Variants in VPS13A observed in about 807,000 individuals in gnomAD.
VPS13A encodes vacuolar protein sorting 13 homolog A, also known as intermembrane lipid transfer protein VPS13A.
A neutral mutation model predicts 390.9 loss-of-function variants in VPS13A; 264 were observed. The observed-to-expected ratio is 0.68, with a 90% CI of 0.61 to 0.75. The LOEUF is 0.75. Ranked by LOEUF, VPS13A falls within the 30% of genes least tolerant of loss-of-function variation. The probability of loss-of-function intolerance (pLI) is 0.00; values close to 1 mark genes in which losing one functional copy is unlikely to be tolerated. For synonymous variants in VPS13A, 1,231 were observed against 1,227.1 expected, an observed-to-expected ratio of 1.00 and a Z score of -0.07; for missense variants, 3,409 against 3,733.9, an observed-to-expected ratio of 0.91 and a Z score of 2.27.
At chr9:77,195,710 C>G (rs1009620936) in intron 1 of VPS13A, among the ~76,000 whole-genome samples, 12 of 151,972 alleles carry the variant, frequency 7.9e-5, no homozygotes, top group African/African-American at 2.4e-4. Context: ...GCGCTCCAGC[C>G]TGGGCGACAC....
chr9:77,359,063 G>A (rs1408936447), intron 57 of VPS13A, among the ~76,000 whole-genome samples: 3 of 152,126 alleles, frequency 2.0e-5, no homozygotes, highest in Non-Finnish European at 4.4e-5. Context: ...CCCAGAATCT[G>A]TTTTCACAAA....
intron 31 of VPS13A, among the ~76,000 whole-genome samples, chr9:77,285,567 A>T (rs1289235429): frequency 6.6e-6 from 1 of 152,218 alleles, no homozygotes; most frequent in Non-Finnish European, 1.5e-5. Context: ...ATTCTTGGTG[A>T]TGGGTACACA....
At chr9:77,289,317 CTA>C (rs1293536789) in intron 31 of VPS13A, among the ~76,000 whole-genome samples, 3 of 152,016 alleles carry the variant, frequency 2.0e-5, no homozygotes, top group African/African-American at 7.2e-5. Context: ...TGTGTTTAGA[CTA>C]TTTTATAAAA....
At chr9:77,314,782 T>A in intron 37 of VPS13A, 118 bp downstream of exon 37, 1 of 940,426 alleles carries the variant, frequency 1.1e-6, no homozygotes, top group South Asian at 1.4e-5. Flanking sequence ...CTTTAAAGCT[T>A]CAATTCAGTC....
At chr9:77,411,660 C>CAAAAAAAAAAAAAAAAAAAAAAAAAAA (rs1169254413) in intron 71 of VPS13A, among the ~76,000 whole-genome samples, 2 of 33,920 alleles carry the variant, frequency 5.9e-5, no homozygotes, top group Non-Finnish European at 1.0e-4. Flanking sequence ...AACTCCATCT[C>CAAAAAAAAAAAAAAAAAAAAAAAAAAA]AAAAAAAAAA....
chr9:77,308,042 A>ATTGT lies in VPS13A; in HGVS notation c.4058_4059insTTGT (p.Lys1353AsnfsTer9). ...GGTAGTGCCTCACCTGCTGTAACAA[A>ATTGT]AGACCAATACAGTGCCACTAGTGGA... is the stretch of plus-strand genomic sequence containing the variant. On this transcript the variant is annotated frameshift_variant, in exon 35 of 72. Transcript: ENST00000360280. LOFTEE classifies it high-confidence loss of function. 1 of 1,613,972 alleles carries ATTGT rather than the reference A, an allele frequency of 6.2e-7. No individual in the cohort carries two copies. Among genetic ancestry groups the ATTGT allele is most frequent in the Non-Finnish European group, 8.5e-7 (1 of 1,179,924 alleles).
intron 68 of VPS13A, among the ~76,000 whole-genome samples, chr9:77,394,521 C>G (rs1303763050): frequency 6.6e-6 from 1 of 152,144 alleles, no homozygotes; most frequent in Non-Finnish European, 1.5e-5. Flanking sequence ...TTGAGCAAAA[C>G]AGCAAGACCA....
At chr9:77,350,978 T>G (rs1285981825) in intron 52 of VPS13A, 1 of 273,476 alleles carries the variant, frequency 3.7e-6, no homozygotes, top group Non-Finnish European at 7.1e-6. Context: ...TAGGAAAGAG[T>G]TACCAATTAA....
At chr9:77,312,519 C>T (rs955102509) in intron 35 of VPS13A, among the ~76,000 whole-genome samples, 3 of 151,904 alleles carry the variant, frequency 2.0e-5, no homozygotes, top group South Asian at 4.2e-4. Flanking sequence ...CTCCGCCTCC[C>T]GGGTTCACAC....
rs1458857185 is a variant in VPS13A, at chr9:77,316,233, G to A, written c.4690G>A (p.Val1564Met). 1 of 1,612,938 alleles carries A rather than the reference G, an allele frequency of 6.2e-7. No individual in the cohort carries two copies. The highest frequency in any genetic ancestry group is 1.3e-5 in the African/African-American group (1 of 74,828). The change falls in exon 39 of 72, where the codon GTG becomes ATG. Residue 1564 changes from valine to methionine, a missense_variant. Transcript: ENST00000360280. ...TGTTATTATTAAAAATCCTGAAATTGTGTTTGTAGCTGACATGACAAAAAA... is the reference window on the plus strand; with the variant it reads ...TGTTATTATTAAAAATCCTGAAATTATGTTTGTAGCTGACATGACAAAAAA... ...INVIIKNPEI[V>M]FVADMTKNDA...
intron 32 of VPS13A, 129 bp downstream of exon 32, chr9:77,293,637 A>AT (rs1180435671): frequency 4.3e-6 from 2 of 461,702 alleles, no homozygotes; most frequent in Non-Finnish European, 7.1e-6. Context: ...TCTGGGTACC[A>AT]TTTATTATAC....
chr9:77,192,772 T>G (rs960232249), intron 1 of VPS13A, among the ~76,000 whole-genome samples: 3 of 152,160 alleles, frequency 2.0e-5, no homozygotes, highest in Non-Finnish European at 4.4e-5. Flanking sequence ...CCCTTTATTA[T>G]TTTTTTCTTT....
intron 1 of VPS13A, among the ~76,000 whole-genome samples, chr9:77,182,438 C>T (rs887437446): frequency 9.2e-5 from 14 of 151,776 alleles, no homozygotes; most frequent in African/African-American, 3.2e-4. Context: ...CAGAATCAGC[C>T]ATAGGTGCTT....
Position 77,221,713 on chromosome 9 carries a change from A to G in VPS13A, c.1161+357A>G, listed in dbSNP as rs1027658802. The stretch of plus-strand genomic sequence containing the variant: ...TATGTGTCACCACTACATTTTCCCT[A>G]TGTTACAATCTGACCATGCACTAAT... On this transcript the variant is annotated intron_variant, in intron 13 of 71. Coordinates refer to ENST00000360280, the MANE Select transcript of VPS13A (RefSeq NM_033305.3). Among the ~76,000 whole-genome samples, 17 of 152,060 alleles carry G rather than the reference A, an allele frequency of 1.1e-4. 1 individual carries two copies. Among genetic ancestry groups the G allele is most frequent in the Admixed American group, 4.6e-4 (7 of 15,260 alleles).
In VPS13A at chr9:77,321,584, G is replaced by A; in HGVS notation, c.5668G>A (p.Val1890Ile). ...AAATTCCCTTGGACTTACTATTTCT[G>A]TTTCGCCAAGTGATTCTTTTAGTGT... is the stretch of plus-strand genomic sequence containing the variant. The part of the protein sequence containing the change: ...ILNSLGLTIS[V>I]SPSDSFSVLN... Residue 1890 changes from valine to isoleucine, a missense_variant, in exon 44 of 72, where the codon GTT becomes ATT. Val to Ile is a conservative substitution (Grantham distance 29). Around this residue, in one of 5 missense-constraint regions of VPS13A, gnomAD observed 2,717 missense variants for 2,917.4 expected, o/e 0.93. Coordinates refer to ENST00000360280, the MANE Select transcript of VPS13A (RefSeq NM_033305.3). 1 of 1,613,360 alleles carries A rather than the reference G, an allele frequency of 6.2e-7. No individual in the cohort carries two copies. The highest frequency in any genetic ancestry group is 8.5e-7 in the Non-Finnish European group (1 of 1,179,598).
At position 77,226,457 on chromosome 9, in the gene VPS13A, TC is replaced by T; in HGVS notation, c.1225-8del. The T allele has an allele frequency of 6.3e-7, 1 of 1,599,270 alleles. No homozygotes were observed. The highest frequency in any genetic ancestry group is 8.6e-7 in the Non-Finnish European group (1 of 1,167,050). ...ATGTGTCATTTATTTGAAAATTTAT[TC>T]ATTTTAGGTAAAGAAAGCTGGATAC... is the stretch of plus-strand genomic sequence containing the variant. On this transcript the variant is annotated splice_polypyrimidine_tract_variant and splice_region_variant and intron_variant, in intron 14 of 71. Coordinates refer to ENST00000360280, the MANE Select transcript of VPS13A (RefSeq NM_033305.3).
At chr9:77,324,404 T>A (rs894320702) in intron 45 of VPS13A, among the ~76,000 whole-genome samples, 10 of 152,218 alleles carry the variant, frequency 6.6e-5, no homozygotes, top group African/African-American at 1.9e-4. Context: ...TGCCTTTTCT[T>A]AGGTTGTAAA....
chr9:77,368,129 C>A lies in VPS13A; in HGVS notation c.8546C>A (p.Ser2849Ter). Reference protein sequence around the residue: ...DLQSEVIRHYSKQAIKQMYVL... With the variant: ...DLQSEVIRHY The stretch of plus-strand genomic sequence containing the variant: ...CAGTCTGAAGTCATAAGACACTATT[C>A]AAAACAGGTTTGTCTAAGATTATAT... Residue 2849 changes from serine to a stop codon, truncating the protein, a stop_gained, in exon 62 of 72, where the codon TCA becomes TAA. Transcript: ENST00000360280. LOFTEE classifies it high-confidence loss of function. The A allele has an allele frequency of 6.2e-7, 1 of 1,610,958 alleles. No homozygotes were observed. Among genetic ancestry groups the A allele is most frequent in the South Asian group, 1.1e-5 (1 of 90,714 alleles).
intron 68 of VPS13A, chr9:77,382,678 G>GT (rs1833503903): frequency 1.0e-6 from 1 of 992,142 alleles, no homozygotes; most frequent in Admixed American, 6.0e-5. Context: ...AATTACTCTT[G>GT]GATTCTTGTG....
Sources: gnomAD v4.1 joint callset for allele counts (sites outside exome capture counted in the v4.1 genomes callset) on GRCh38, gnomAD v4.1.1 for gene constraint, gnomAD v4.1.1 regional missense constraint, MANE v1.5 for transcripts, NCBI Gene and HGNC (gene_info 2026-07-23, HGNC 2026-07-21) for gene names.